Variants in ZC3H3 observed in about 807,000 individuals in gnomAD.
ZC3H3 encodes the protein zinc finger CCCH-type containing 3.
In ZC3H3, 36 loss-of-function variants were observed where a neutral mutation model predicts 77.3. The observed-to-expected ratio is 0.47, with a 90% CI of 0.36 to 0.61. ZC3H3 has a LOEUF of 0.61. Ranked by LOEUF, ZC3H3 falls within the 20% of genes least tolerant of loss-of-function variation. The probability of loss-of-function intolerance (pLI) is 0.00; values close to 1 mark genes in which losing one functional copy is unlikely to be tolerated. For missense variants in ZC3H3, 1,331 were observed against 1,312.2 expected, an observed-to-expected ratio of 1.01 and a Z score of -0.22; for synonymous variants, 626 against 555.2, an observed-to-expected ratio of 1.13 and a Z score of -1.79.
At chr8:143,517,810 C>G (rs2130454283) in intron 3 of ZC3H3, among the ~76,000 whole-genome samples, 1 of 152,330 alleles carries the variant, frequency 6.6e-6, no homozygotes, top group Admixed American at 6.5e-5. Flanking sequence ...GCCTGCCCCG[C>G]ACCTGAGCTC....
At chr8:143,483,368 C>T (rs961263375) in intron 4 of ZC3H3, among the ~76,000 whole-genome samples, 3 of 152,222 alleles carry the variant, frequency 2.0e-5, no homozygotes, top group Admixed American at 1.3e-4. Flanking sequence ...ACTGCGGCCC[C>T]CGAATGGGTT....
In ZC3H3 at chr8:143,465,867, G is replaced by A. The variant is rs574080753; in HGVS notation, c.2176-19C>T. On this transcript the variant is annotated intron_variant, in intron 8 of 11. Coordinates refer to ENST00000262577, the MANE Select transcript of ZC3H3 (RefSeq NM_015117.3). ...CCGGCATCTGCAGGGAGGGCCGGCA[G>A]TGAGGGCCAGCAGGCAGCCACCCTC... 15 of 1,604,816 alleles carry A rather than the reference G, an allele frequency of 9.3e-6. No individual in the cohort carries two copies. The South Asian group carries it at 1.5e-4, about 16-fold the overall frequency.
intron 8 of ZC3H3, 72 bp downstream of exon 8, chr8:143,468,137 C>G (rs1820462657): frequency 6.5e-6 from 10 of 1,544,378 alleles, no homozygotes; most frequent in South Asian, 1.2e-5. Flanking sequence ...TGGGCACCAT[C>G]TGCCCGGAGG....
rs1275608556 is a variant in ZC3H3 at position 143,530,367 on chromosome 8, A to G, written c.1561+5890T>C. Among the ~76,000 whole-genome samples the G allele has an allele frequency of 6.6e-6, 1 of 152,148 alleles. No individual in the cohort carries two copies. The highest frequency in any genetic ancestry group is 1.5e-5 in the Non-Finnish European group (1 of 68,014). Reference sequence around the variant, plus strand: ...TGCATCCACCATCCTGGGTGGGTGAAGCAGAGAGGGCCCTCCCACTCCAGC... The same window carrying G: ...TGCATCCACCATCCTGGGTGGGTGAGGCAGAGAGGGCCCTCCCACTCCAGC... On this transcript the variant is annotated intron_variant, in intron 3 of 11. Transcript: ENST00000262577. This position sits in a 1 kb window ranked among gnomAD's most constrained non-coding sequence, Gnocchi z 4.3.
intron 4 of ZC3H3, among the ~76,000 whole-genome samples, chr8:143,501,638 T>C (rs1028279883): frequency 1.3e-5 from 2 of 151,020 alleles, no homozygotes; most frequent in East Asian, 3.9e-4. Context: ...GTGTGAGCCA[T>C]CATGCCTGGC....
intron 3 of ZC3H3, among the ~76,000 whole-genome samples, chr8:143,515,756 A>T (rs1822018309): frequency 6.6e-6 from 1 of 152,268 alleles, no homozygotes; most frequent in Non-Finnish European, 1.5e-5. Context: ...CGATGCCCAC[A>T]GATGGCACAG....
chr8:143,513,659 C>G lies in ZC3H3; in HGVS notation c.1562-5760G>C, dbSNP rs534828221. Among the ~76,000 whole-genome samples the G allele has an allele frequency of 3.3e-4, 51 of 152,352 alleles. 1 individual carries two copies. The South Asian group carries it at 0.01, about 31-fold the overall frequency. On this transcript the variant is annotated intron_variant, in intron 3 of 11. Coordinates refer to ENST00000262577, the MANE Select transcript of ZC3H3 (RefSeq NM_015117.3). ...CCCCGGGCCTGCTTGGGGTACAGCG[C>G]CTGCTACTGCAGCCAGTCAGAGGCA...
intron 3 of ZC3H3, among the ~76,000 whole-genome samples, chr8:143,519,376 C>A (rs915908720): frequency 3.9e-5 from 6 of 152,154 alleles, no homozygotes; most frequent in African/African-American, 1.2e-4. Context: ...CTTCAGGGCC[C>A]CAGACCATAG....
chr8:143,498,898 G>A (rs1363092900), intron 4 of ZC3H3, among the ~76,000 whole-genome samples: 24 of 138,186 alleles, frequency 1.7e-4, no homozygotes, highest in East Asian at 1.5e-3. Flanking sequence ...GGCACAGGGC[G>A]GGGCGGAGGG....
At position 143,480,764 on chromosome 8, in the gene ZC3H3, C is replaced by T. The variant is rs563954951; in HGVS notation, c.1716-5179G>A. On this transcript the variant is annotated intron_variant, in intron 4 of 11. Coordinates refer to ENST00000262577, the MANE Select transcript of ZC3H3 (RefSeq NM_015117.3). The stretch of plus-strand genomic sequence containing the variant: ...CTGCCTGCGGTGTCTCCGTGCCATG[C>T]GACCCAGCTCTGAGACCAATCAGAG... Among the ~76,000 whole-genome samples the T allele has an allele frequency of 6.6e-5, 10 of 152,356 alleles. No homozygotes were observed. The South Asian group carries it at 1.2e-3, about 19-fold the overall frequency.
At chr8:143,503,507 C>T (rs190987773) in intron 4 of ZC3H3, among the ~76,000 whole-genome samples, 21 of 143,182 alleles carry the variant, frequency 1.5e-4, no homozygotes, top group Non-Finnish European at 1.8e-4. Flanking sequence ...GACCACCTCC[C>T]CCAGCACCCA....
chr8:143,495,096 A>G (rs993753971), intron 4 of ZC3H3, among the ~76,000 whole-genome samples: 1 of 152,244 alleles, frequency 6.6e-6, no homozygotes, highest in African/African-American at 2.4e-5. Flanking sequence ...CGCGACAGTC[A>G]TGGAAACACA....
chr8:143,528,515 G>A lies in ZC3H3; in HGVS notation c.1561+7742C>T, dbSNP rs375314497. 1.9e-3 allele frequency among the ~76,000 whole-genome samples: 287 copies of A among 152,354 alleles called. 3 individuals carry two copies. Among genetic ancestry groups the A allele is most frequent in the African/African-American group, 6.6e-3 (274 of 41,574 alleles). On this transcript the variant is annotated intron_variant, in intron 3 of 11. Transcript: ENST00000262577. ...GCCTCCCAGCAGCCTGGCACAGGAGGTTACGGCGAGGATGGCACAGAAACC... is the reference window on the plus strand; with the variant it reads ...GCCTCCCAGCAGCCTGGCACAGGAGATTACGGCGAGGATGGCACAGAAACC...
At chr8:143,522,405 C>A (rs920270464) in intron 3 of ZC3H3, among the ~76,000 whole-genome samples, 2 of 152,040 alleles carry the variant, frequency 1.3e-5, no homozygotes, top group African/African-American at 4.8e-5. Context: ...GAGTTCGAGA[C>A]GAGCTTGGCC....
chr8:143,488,889 C>T (rs1442734412), intron 4 of ZC3H3, among the ~76,000 whole-genome samples: 1 of 152,240 alleles, frequency 6.6e-6, no homozygotes. Context: ...GGAACACAAA[C>T]CATGTTGAAC....
chr8:143,519,373 G>A (rs1262128186), intron 3 of ZC3H3, among the ~76,000 whole-genome samples: 2 of 152,180 alleles, frequency 1.3e-5, no homozygotes, highest in Admixed American at 1.3e-4. Flanking sequence ...GGCCTTCAGG[G>A]CCCCAGACCA....
At chr8:143,527,803 A>C (rs1822466593) in intron 3 of ZC3H3, among the ~76,000 whole-genome samples, 1 of 152,162 alleles carries the variant, frequency 6.6e-6, no homozygotes, top group South Asian at 2.1e-4. Context: ...AGCACAGCCC[A>C]GCAGGAACAT....
chr8:143,524,107 G>C (rs1822337016), intron 3 of ZC3H3, among the ~76,000 whole-genome samples: 1 of 152,254 alleles, frequency 6.6e-6, no homozygotes, highest in Non-Finnish European at 1.5e-5. Flanking sequence ...GGAGGGGCAA[G>C]TGTGCCTGGG....
At chr8:143,446,756 T>C (rs1819871229) in intron 9 of ZC3H3, among the ~76,000 whole-genome samples, 1 of 152,272 alleles carries the variant, frequency 6.6e-6, no homozygotes. Context: ...GGTGGGCTCA[T>C]GTTTCCAGCT....
Sources: gnomAD v4.1 joint callset for allele counts (sites outside exome capture counted in the v4.1 genomes callset) on GRCh38, gnomAD v4.1.1 for gene constraint, Gnocchi (gnomAD v3.1) non-coding constraint, MANE v1.5 for transcripts, NCBI Gene and HGNC (gene_info 2026-07-23, HGNC 2026-07-21) for gene names.